Variants in PRDM8 observed in about 807,000 individuals in gnomAD.
The protein encoded by PRDM8 is PR/SET domain 8.
Under a neutral mutation model 46.5 loss-of-function variants are expected in PRDM8, and 13 were observed. That is an observed-to-expected ratio of 0.28 (90% CI 0.18 to 0.44). The LOEUF (loss-of-function observed/expected upper bound fraction) is 0.44, where lower values mean the gene tolerates loss of function less well. PRDM8 is among the 20% of genes least tolerant of loss of function. The pLI is 1.00. For missense variants in PRDM8, 998 were observed against 955.0 expected (o/e 1.04, Z -0.59); for synonymous variants, 473 against 438.4 (o/e 1.08, Z -0.98).
rs1325853079 is a variant in PRDM8 at position 80,203,201 on chromosome 4, C to A, written c.1739C>A (p.Ala580Asp). 10 of 1,551,322 alleles carry A rather than the reference C, an allele frequency of 6.4e-6. No homozygotes were observed. Among genetic ancestry groups the A allele is most frequent in the South Asian group, 3.5e-5 (3 of 85,106 alleles). Residue 580 changes from alanine (A) to aspartate (D), a missense_variant, in exon 4 of 4, where the codon GCC becomes GAC. Transcript: ENST00000415738. ...CAGAGCCCCTTCCTGTACGCCACCG[C>A]CTTCTGGCCCAAGAGCTCCGCTGCC... ...PKQSPFLYAT[A>D]FWPKSSAAAA... is the part of the protein sequence containing the mutation.
intron 1 of PRDM8, among the ~76,000 whole-genome samples, chr4:80,185,972 G>A (rs1428802503): frequency 6.6e-6 from 1 of 152,192 alleles, no homozygotes; most frequent in Admixed American, 6.5e-5. Context: ...GTCCACCGAA[G>A]CTGGCGGGGG....
upstream of PRDM8, chr4:80,197,384 G>A (rs1738041365): frequency 2.1e-6 from 2 of 975,266 alleles, no homozygotes; most frequent in Non-Finnish European, 2.4e-6. Flanking sequence ...CTGCGAGGCA[G>A]GCGGCGCCGG....
Position 80,199,709 on chromosome 4 carries a change from ATG to A in PRDM8, c.-2-342_-2-341del, listed in dbSNP as rs34334135. 7.0e-3 allele frequency among the ~76,000 whole-genome samples: 936 copies of A among 132,888 alleles called. 10 individuals carry two copies. Among genetic ancestry groups the A allele is most frequent in the African/African-American group, 0.017 (590 of 34,528 alleles). 87.2% of individuals were successfully genotyped at this position (132,888 alleles called of 152,430 possible). ...ATTATATATATGTATATATATATAT[ATG>A]TGTGTGTGTGTGTGTGTGTGTGTGT... On this transcript the variant is annotated intron_variant, in intron 1 of 3. Coordinates refer to ENST00000415738, the MANE Select transcript of PRDM8 (RefSeq NM_001099403.2).
rs1560480450 is a variant in PRDM8 at position 80,203,228 on chromosome 4, C to T, written c.1766C>T (p.Ala589Val). The T allele has an allele frequency of 3.2e-6, 5 of 1,555,842 alleles. No homozygotes were observed. The highest frequency in any genetic ancestry group is 4.3e-6 in the Non-Finnish European group (5 of 1,152,036). The change falls in exon 4 of 4, where the codon GCT (alanine) becomes GTT (valine). Residue 589 changes from alanine to valine, a missense_variant. Coordinates refer to ENST00000415738, the MANE Select transcript of PRDM8 (RefSeq NM_001099403.2). ...TTCTGGCCCAAGAGCTCCGCTGCCG[C>T]TGCAGCCGCGGCTGCGGCGGCGGCC... ...TAFWPKSSAA[A>V]AAAAAAAAAG...
At chr4:80,194,210 C>T, upstream of PRDM8, 2 of 982,762 alleles carry the variant, frequency 2.0e-6, no homozygotes, top group South Asian at 4.7e-5. Context: ...TTTGCCAGGA[C>T]TCCAAAGAGC....
intron 2 of PRDM8, among the ~76,000 whole-genome samples, chr4:80,192,248 GCC>G (rs1290280725): frequency 1.3e-5 from 2 of 152,068 alleles, no homozygotes; most frequent in Non-Finnish European, 2.9e-5. Flanking sequence ...AGTGTAGTCT[GCC>G]CAGGATATAT....
intron 2 of PRDM8, 57 bp from the exon 3 acceptor site, chr4:80,201,233 A>G (rs1408598987): frequency 6.8e-7 from 1 of 1,468,766 alleles, no homozygotes; most frequent in African/African-American, 1.4e-5. Context: ...TCATTCCCTC[A>G]TGAGGGTCCC....
In PRDM8 at chr4:80,203,081, C is replaced by A. The variant is rs754549548; in HGVS notation, c.1619C>A (p.Ala540Asp). Residue 540 changes from alanine (A) to aspartate (D), a missense_variant, in exon 4 of 4, where the codon GCC becomes GAC. Ala to Asp is a moderately radical substitution (Grantham distance 126, BLOSUM62 -2). Coordinates refer to ENST00000415738, the MANE Select transcript of PRDM8 (RefSeq NM_001099403.2). ...DGVGPTRLYP[A>D]AADPLAVKLQ... ...GTGGGCCCCACCAGACTCTATCCCG[C>A]CGCCGCGGACCCTCTAGCGGTGAAG... 1.3e-6 allele frequency: 2 copies of A among 1,568,776 alleles called. No homozygotes were observed. The highest frequency in any genetic ancestry group is 2.4e-5 in the East Asian group (1 of 42,446).
At chr4:80,199,709 A>ATGTGTGTGTGTGTGTGTGTGTG (rs34334135) in intron 1 of PRDM8, among the ~76,000 whole-genome samples, 12 of 132,974 alleles carry the variant, frequency 9.0e-5, no homozygotes, top group African/African-American at 3.2e-4. Context: ...ATATATATAT[A>ATGTGTGTGTGTGTGTGTGTGTG]TGTGTGTGTG....
Position 80,203,243 on chromosome 4 carries a change from C to A in PRDM8, c.1781C>A (p.Ala594Glu). 6.4e-7 allele frequency: 1 copy of A among 1,555,024 alleles called. No individual in the cohort carries two copies. The change falls in exon 4 of 4, where the codon GCG becomes GAG. Residue 594 changes from alanine (A) to glutamate (E), a missense_variant. Ala to Glu is a moderately radical substitution (Grantham distance 107, BLOSUM62 -1). Transcript: ENST00000415738. ...TCCGCTGCCGCTGCAGCCGCGGCTG[C>A]GGCGGCGGCCGCGGGGCCCTTGCAG... ...KSSAAAAAAA[A>E]AAAAGPLQLQ...
intron 2 of PRDM8, 123 bp downstream of exon 2, chr4:80,200,422 A>G: frequency 1.2e-6 from 1 of 829,460 alleles, no homozygotes. Context: ...TAATGCAAGC[A>G]ATCCCATTTC....
intron 1 of PRDM8, among the ~76,000 whole-genome samples, chr4:80,198,590 T>C (rs945315474): frequency 1.3e-5 from 2 of 152,214 alleles, no homozygotes; most frequent in African/African-American, 4.8e-5. Context: ...TTATTTCTGC[T>C]GTCTGGGAGA....
upstream of PRDM8, among the ~76,000 whole-genome samples, chr4:80,195,263 A>C (rs915451490): frequency 6.6e-6 from 1 of 152,156 alleles, no homozygotes; most frequent in African/African-American, 2.4e-5. Flanking sequence ...CTAGTTTCTA[A>C]GGGACCACAT....
At chr4:80,198,683 G>A (rs1738154841) in intron 1 of PRDM8, among the ~76,000 whole-genome samples, 1 of 152,094 alleles carries the variant, frequency 6.6e-6, no homozygotes, top group South Asian at 2.1e-4. Context: ...TATGTTAGCT[G>A]GAATGGGGGG....
At position 80,202,497 on chromosome 4, in the gene PRDM8, G is replaced by A. The variant is rs1192208565; in HGVS notation, c.1035G>A (p.Lys345=). 1.3e-6 allele frequency: 2 copies of A among 1,527,436 alleles called. No individual in the cohort carries two copies. The highest frequency in any genetic ancestry group is 1.4e-5 in the African/African-American group (1 of 72,508). 94.6% of individuals were successfully genotyped at this position (1,527,436 alleles called of 1,614,324 possible). A position where few individuals can be genotyped will look rare whatever the true frequency, so the allele number is the denominator to read the frequency against. Reference sequence around the variant, plus strand: ...TAGAGCGGCCCCTCCCGGCCTCCAAGGAGGATCTGGTGTGCACACCGCAGC... The same window carrying A: ...TAGAGCGGCCCCTCCCGGCCTCCAAAGAGGATCTGGTGTGCACACCGCAGC... ...RFVERPLPAS[K]EDLVCTPQQY... Residue 345 remains lysine (K), a synonymous_variant, in exon 4 of 4, where the codon AAG becomes AAA. Transcript: ENST00000415738.
At chr4:80,186,928 T>C (rs1737142152) in intron 1 of PRDM8, among the ~76,000 whole-genome samples, 1 of 152,126 alleles carries the variant, frequency 6.6e-6, no homozygotes, top group African/African-American at 2.4e-5. Flanking sequence ...GGAGCAGCAG[T>C]TATGGTAGAA....
At chr4:80,186,423 G>T (rs1737079983) in intron 1 of PRDM8, among the ~76,000 whole-genome samples, 1 of 147,954 alleles carries the variant, frequency 6.8e-6, no homozygotes. Flanking sequence ...GAGAGAGAAG[G>T]CAGGGTGGAG....
chr4:80,201,577 G>A lies in PRDM8; in HGVS notation c.451+56G>A, dbSNP rs946713594. ...CTTAACTAGCGGGGGAGAGACGCAG[G>A]GAGCGGCAGGGGCTCACCCGGCGCG... On this transcript the variant is annotated intron_variant, in intron 3 of 3. Transcript: ENST00000415738. The A allele has an allele frequency of 5.8e-6, 9 of 1,541,850 alleles. No homozygotes were observed. The South Asian group carries it at 9.0e-5, about 15-fold the overall frequency.
intron 1 of PRDM8, chr4:80,191,426 T>G (rs1737532968): frequency 6.6e-6 from 1 of 151,394 alleles, no homozygotes; most frequent in South Asian, 2.1e-4. Context: ...CCTTTAAACT[T>G]CCTTAAAAGG....
Sources: gnomAD v4.1 joint callset for allele counts (sites outside exome capture counted in the v4.1 genomes callset) on GRCh38, gnomAD v4.1.1 for gene constraint, MANE v1.5 for transcripts, NCBI Gene and HGNC (gene_info 2026-07-23, HGNC 2026-07-21) for gene names.